RASA2: variants seen among roughly 807,000 people sequenced by gnomAD.
RASA2 encodes RAS p21 protein activator 2.
In RASA2, 155 loss-of-function variants were observed where a neutral mutation model predicts 118.2. The observed-to-expected ratio is 1.31, with a 90% confidence interval of 1.15 to 1.50. The LOEUF (loss-of-function observed/expected upper bound fraction) is 1.50. Ranked by LOEUF, RASA2 falls within the 40% of genes most tolerant of loss-of-function variation. The probability of loss-of-function intolerance (pLI) is 0.00; values close to 1 mark genes in which losing one functional copy is unlikely to be tolerated. For missense variants in RASA2, 1,016 were observed against 1,009.6 expected (o/e 1.01, Z -0.09); for synonymous variants, 353 against 349.1 (o/e 1.01, Z -0.12).
At position 141,586,712 on chromosome 3, in the gene RASA2, C is replaced by G; in HGVS notation, c.1893C>G (p.Phe631Leu). ...IGKKNFKKRW[F>L]CLTSRELTYH... The stretch of plus-strand genomic sequence containing the variant: ...AAAAGAATTTTAAGAAACGATGGTT[C>G]TGCTTAACAAGCAGAGAGCTCACCT... The change falls in exon 19 of 24, where the codon TTC becomes TTG. Residue 631 changes from phenylalanine to leucine, a missense_variant. By Grantham distance (22) the Phe-to-Leu change is conservative. Around this residue, in one of 2 missense-constraint regions of RASA2, gnomAD observed 896 missense variants for 836.4 expected, o/e 1.07. Transcript: ENST00000286364. 1 of 1,613,622 alleles carries G rather than the reference C, an allele frequency of 6.2e-7. No individual in the cohort carries two copies. The highest frequency in any genetic ancestry group is 2.2e-5 in the East Asian group (1 of 44,806).
intron 19 of RASA2, among the ~76,000 whole-genome samples, chr3:141,599,472 T>C (rs1436966924): frequency 6.6e-6 from 1 of 152,180 alleles, no homozygotes; most frequent in African/African-American, 2.4e-5. Context: ...GTACTTTAAT[T>C]TGTTTCCCCT....
chr3:141,580,408 C>G lies in RASA2; in HGVS notation c.1631C>G (p.Thr544Ser), dbSNP rs1325924677. The change falls in exon 16 of 24, where the codon ACT becomes AGT. Residue 544 changes from threonine to serine, a missense_variant. This residue lies in a region of RASA2 where 896 missense variants were observed against 836.4 expected (regional missense o/e 1.07). Coordinates refer to ENST00000286364, the MANE Select transcript of RASA2 (RefSeq NM_006506.5). Reference protein sequence around the residue: ...TIRTLTLISKTIQTLGSWGSL... With the variant: ...TIRTLTLISKSIQTLGSWGSL... ...AGAACATTAACTCTCATCTCAAAAA[C>G]TATACAAACTTTGGGAAGCTGGGGG... 2 of 1,609,926 alleles carry G rather than the reference C, an allele frequency of 1.2e-6. No individual in the cohort carries two copies.
chr3:141,581,025 A>G, intron 16 of RASA2, 75 bp from the exon 17 acceptor site: 4 of 1,386,846 alleles, frequency 2.9e-6, no homozygotes, highest in Non-Finnish European at 3.8e-6. Context: ...CTTAATCCTC[A>G]GCTTAAAAAT....
At chr3:141,596,970 CAT>C (rs2083382867) in intron 19 of RASA2, among the ~76,000 whole-genome samples, 1 of 152,202 alleles carries the variant, frequency 6.6e-6, no homozygotes, top group African/African-American at 2.4e-5. Flanking sequence ...GAAATGAAAA[CAT>C]ATGCCCACAC....
chr3:141,567,630 AT>A (rs2082842709), intron 9 of RASA2, among the ~76,000 whole-genome samples: 1 of 152,228 alleles, frequency 6.6e-6, no homozygotes, highest in South Asian at 2.1e-4. Flanking sequence ...TCGTGTCATA[AT>A]TGTGACATGA....
At chr3:141,555,365 T>TA (rs1489499464) in intron 6 of RASA2, among the ~76,000 whole-genome samples, 1 of 152,190 alleles carries the variant, frequency 6.6e-6, no homozygotes, top group African/African-American at 2.4e-5. Flanking sequence ...AAGATTTCCT[T>TA]ATGCGTTTTT....
intron 1 of RASA2, among the ~76,000 whole-genome samples, chr3:141,490,484 A>T (rs2081628226): frequency 6.6e-6 from 1 of 151,968 alleles, no homozygotes; most frequent in South Asian, 2.1e-4. Flanking sequence ...ATTACATTAG[A>T]TTGTAAAAAT....
chr3:141,504,592 C>T (rs2081836038), intron 1 of RASA2, among the ~76,000 whole-genome samples: 1 of 152,176 alleles, frequency 6.6e-6, no homozygotes, highest in Non-Finnish European at 1.5e-5. Context: ...CTCTGCCCCT[C>T]CCCTGACCTG....
At chr3:141,599,698 G>A (rs561231966) in intron 19 of RASA2, among the ~76,000 whole-genome samples, 1 of 149,162 alleles carries the variant, frequency 6.7e-6, no homozygotes, top group Non-Finnish European at 1.5e-5. Flanking sequence ...AGATATACAT[G>A]ACCTCCTTAT....
intron 7 of RASA2, among the ~76,000 whole-genome samples, chr3:141,558,548 G>A (rs1206587104): frequency 2.0e-5 from 3 of 152,132 alleles, no homozygotes; most frequent in Non-Finnish European, 4.4e-5. Flanking sequence ...ACTATAGTGA[G>A]TGGGTGGTGA....
At chr3:141,506,214 G>A (rs967948409) in intron 1 of RASA2, among the ~76,000 whole-genome samples, 1 of 152,330 alleles carries the variant, frequency 6.6e-6, no homozygotes, top group Non-Finnish European at 1.5e-5. Context: ...TCCTTTCTTC[G>A]TAGAGGAACA....
In RASA2 at chr3:141,512,739, T is replaced by A. The variant is rs75780190; in HGVS notation, c.251+459T>A. On this transcript the variant is annotated intron_variant, in intron 2 of 23. Transcript: ENST00000286364. ...TGTGAACATAATTCTAGTGCAGAGT[T>A]GTGCTGAGAATCTTGTTCAGAGACA... 4.3e-4 allele frequency among the ~76,000 whole-genome samples: 66 copies of A among 152,308 alleles called. 3 individuals carry two copies. The East Asian group carries it at 0.011, about 25-fold the overall frequency.
chr3:141,583,126 TAATA>T (rs2083142376), intron 17 of RASA2, among the ~76,000 whole-genome samples: 1 of 152,308 alleles, frequency 6.6e-6, no homozygotes, highest in South Asian at 2.1e-4. Flanking sequence ...TTAAGAATTA[TAATA>T]AATAAATTAT....
intron 22 of RASA2, 68 bp downstream of exon 22, chr3:141,609,591 C>G: frequency 8.1e-7 from 1 of 1,233,310 alleles, no homozygotes; most frequent in Non-Finnish European, 1.1e-6. Flanking sequence ...ATTGCTTTAG[C>G]ATTATACAAA....
chr3:141,487,037 G>A lies in RASA2; in HGVS notation c.-47G>A. On this transcript the variant is annotated 5_prime_UTR_variant, in exon 1 of 24. Transcript: ENST00000286364. Reference sequence around the variant, plus strand: ...CTAGGCCGCTGCTGGGCTCCGCCTCGCCCGGCTACGCAGGCGGCAGGGCTG... The same window carrying A: ...CTAGGCCGCTGCTGGGCTCCGCCTCACCCGGCTACGCAGGCGGCAGGGCTG... The A allele has an allele frequency of 3.4e-6, 4 of 1,162,150 alleles. No homozygotes were observed. The highest frequency in any genetic ancestry group is 4.3e-6 in the Non-Finnish European group (4 of 940,344). 72.0% of individuals were successfully genotyped at this position (1,162,150 alleles called of 1,614,324 possible).
At position 141,610,009 on chromosome 3, in the gene RASA2, A is replaced by G. The variant is rs1441695488; in HGVS notation, c.2462A>G (p.Asp821Gly). The G allele has an allele frequency of 2.5e-6, 4 of 1,605,026 alleles. No individual in the cohort carries two copies. The highest frequency in any genetic ancestry group is 4.5e-5 in the East Asian group (2 of 44,298). The change falls in exon 23 of 24, where the codon GAT becomes GGT. Residue 821 changes from aspartate to glycine, a missense_variant. This residue lies in a region of RASA2 where 120 missense variants were observed against 173.2 expected (regional missense o/e 0.69). Transcript: ENST00000286364. ...QQIKSIIEKLDEPHEKYRKKR... is the reference protein window; with the variant it reads ...QQIKSIIEKLGEPHEKYRKKR... ...ATAAAAAGCATAATTGAGAAGCTGG[A>G]TGAACCTCATGAAAAATATAGGAAG...
At chr3:141,531,679 G>A (rs1267630970) in intron 4 of RASA2, among the ~76,000 whole-genome samples, 1 of 151,952 alleles carries the variant, frequency 6.6e-6, no homozygotes. Flanking sequence ...TTTCATGACT[G>A]TGAGTTATTA....
At chr3:141,591,901 C>T (rs1039343807) in intron 19 of RASA2, among the ~76,000 whole-genome samples, 1 of 150,818 alleles carries the variant, frequency 6.6e-6, no homozygotes, top group Non-Finnish European at 1.5e-5. Context: ...TTTCTGATAG[C>T]TAAAGAACAA....
chr3:141,601,476 TAG>T (rs1486228995), intron 19 of RASA2, among the ~76,000 whole-genome samples: 1 of 150,910 alleles, frequency 6.6e-6, no homozygotes, highest in African/African-American at 2.4e-5. Flanking sequence ...GATAGAATCA[TAG>T]ACCTCAAAGA....
Sources: gnomAD v4.1 joint callset for allele counts (sites outside exome capture counted in the v4.1 genomes callset) on GRCh38, gnomAD v4.1.1 for gene constraint, gnomAD v4.1.1 regional missense constraint, MANE v1.5 for transcripts, NCBI Gene and HGNC (gene_info 2026-07-23, HGNC 2026-07-21) for gene names.